The following NSF variants were observed in gnomAD, a reference collection of about 807,000 sequenced individuals.
NSF encodes the protein vesicle-fusing ATPase.
Under a neutral mutation model 50.3 loss-of-function variants are expected in NSF, and 14 were observed. That is an observed-to-expected ratio of 0.28 (90% confidence interval 0.18 to 0.44). The LOEUF (loss-of-function observed/expected upper bound fraction) is 0.44, where lower values mean the gene tolerates loss of function less well. NSF is among the 20% of genes least tolerant of loss of function. The pLI is 1.00. For synonymous variants in NSF, 109 were observed against 175.7 expected (o/e 0.62, Z 3.00); for missense variants, 218 against 504.3 (o/e 0.43, Z 5.44).
chr17:46,718,487 A>C (rs1481402129), intron 15 of NSF, among the ~76,000 whole-genome samples: 1 of 152,352 alleles, frequency 6.6e-6, no homozygotes, highest in East Asian at 1.9e-4. Flanking sequence ...TGGTGCATGT[A>C]CTCCATAAAT....
intron 1 of NSF, among the ~76,000 whole-genome samples, chr17:46,592,999 G>GC (rs963598989): frequency 8.1e-6 from 1 of 123,628 alleles, no homozygotes; most frequent in Non-Finnish European, 1.7e-5. Flanking sequence ...TTCTGCTCCT[G>GC]CCCCCCATAA....
At chr17:46,753,579 C>CAG (rs1234861815) in intron 19 of NSF, among the ~76,000 whole-genome samples, 1 of 151,976 alleles carries the variant, frequency 6.6e-6, no homozygotes, top group Non-Finnish European at 1.5e-5. Context: ...GTCAGATTGT[C>CAG]AGCTTCTTTT....
intron 15 of NSF, chr17:46,722,254 A>G (rs2058839162): frequency 1.8e-6 from 2 of 1,124,648 alleles, no homozygotes; most frequent in Middle Eastern, 2.8e-4. Context: ...CATTCTTAAG[A>G]TTAATTTTGG....
intron 16 of NSF, 40 bp from the exon 17 acceptor site, chr17:46,728,815 G>A (rs759440444): frequency 5.3e-6 from 7 of 1,321,992 alleles, no homozygotes; most frequent in Non-Finnish European, 2.1e-6. Context: ...ATATGTACAT[G>A]TGTATCAAAT....
At chr17:46,669,773 CTT>C (rs1357183437) in intron 8 of NSF, among the ~76,000 whole-genome samples, 1 of 60,844 alleles carries the variant, frequency 1.6e-5, no homozygotes, top group Non-Finnish European at 3.3e-5. Context: ...CTGCTTAAAA[CTT>C]TTCACAGCTT....
At position 46,655,888 on chromosome 17, in the gene NSF, TC is replaced by T. The variant is rs984842451; in HGVS notation, c.745+12630del. On this transcript the variant is annotated intron_variant, in intron 8 of 20. Transcript: ENST00000398238. The stretch of plus-strand genomic sequence containing the variant: ...AGTCAAAAGATCGAACCCTTTTTTT[TC>T]ATGTTATCTAGAAATGAATCTTTAA... Among the ~76,000 whole-genome samples the T allele has an allele frequency of 3.1e-5, 3 of 97,218 alleles. 1 individual carries two copies. Among genetic ancestry groups the T allele is most frequent in the African/African-American group, 1.5e-4 (3 of 20,460 alleles). The allele number at this position is 97,218 out of a possible 152,430, so 63.8% of individuals were successfully genotyped here.
Position 46,755,787 on chromosome 17 carries a change from G to A in NSF, c.2214-15G>A, listed in dbSNP as rs200627784. Reference sequence around the variant, plus strand: ...CCCTCATCTGTTTTTTTGTGTTTTGGTATTTCTTTTGCAGTAGCCCCCTTG... The same window carrying A: ...CCCTCATCTGTTTTTTTGTGTTTTGATATTTCTTTTGCAGTAGCCCCCTTG... On this transcript the variant is annotated splice_polypyrimidine_tract_variant and intron_variant, in intron 20 of 20. Coordinates refer to ENST00000398238, the MANE Select transcript of NSF (RefSeq NM_006178.4). 2.5e-6 allele frequency: 4 copies of A among 1,595,846 alleles called. No individual in the cohort carries two copies. The highest frequency in any genetic ancestry group is 2.2e-5 in the South Asian group (2 of 89,116).
chr17:46,657,401 A>G (rs2058268312), intron 8 of NSF, among the ~76,000 whole-genome samples: 1 of 152,238 alleles, frequency 6.6e-6, no homozygotes, highest in African/African-American at 2.4e-5. Flanking sequence ...AGGTTTCAAG[A>G]GACTTGGAGT....
At position 46,722,287 on chromosome 17, in the gene NSF, C is replaced by A. The variant is rs1177485275; in HGVS notation, c.1762-4262C>A. ...TGGGGGGAGTCTGTAAGATACGGTT[C>A]TTACCTTCTTACCTCCAGCCTCAGT... On this transcript the variant is annotated intron_variant, in intron 15 of 20. Transcript: ENST00000398238. 1.1e-5 allele frequency: 9 copies of A among 788,040 alleles called. 1 individual carries two copies. Among genetic ancestry groups the A allele is most frequent in the Non-Finnish European group, 2.0e-5 (9 of 459,922 alleles). 48.8% of individuals were successfully genotyped at this position (788,040 alleles called of 1,614,324 possible).
chr17:46,731,745 C>G (rs2058951045), intron 17 of NSF, among the ~76,000 whole-genome samples: 2 of 152,164 alleles, frequency 1.3e-5, no homozygotes. Flanking sequence ...GGGGTTCTCT[C>G]TGAAGGGAAT....
At chr17:46,747,864 A>T (rs2059146690) in intron 17 of NSF, among the ~76,000 whole-genome samples, 1 of 152,212 alleles carries the variant, frequency 6.6e-6, no homozygotes, top group Non-Finnish European at 1.5e-5. Flanking sequence ...TGTATTTCCT[A>T]GAACTGAATG....
intron 17 of NSF, among the ~76,000 whole-genome samples, chr17:46,732,170 A>ATACT (rs1490590293): frequency 3.3e-5 from 5 of 152,232 alleles, no homozygotes; most frequent in Non-Finnish European, 7.3e-5. Flanking sequence ...AGGAGGAACT[A>ATACT]TACTTATATA....
At chr17:46,714,666 A>C (rs1224662612) in intron 15 of NSF, among the ~76,000 whole-genome samples, 1 of 152,040 alleles carries the variant, frequency 6.6e-6, no homozygotes, top group Non-Finnish European at 1.5e-5. Flanking sequence ...AATGATGAAG[A>C]CTTTAAATGG....
chr17:46,661,405 ATTATT>A (rs2058299943), intron 8 of NSF, among the ~76,000 whole-genome samples: 1 of 97,116 alleles, frequency 1.0e-5, no homozygotes, highest in Non-Finnish European at 1.9e-5. Context: ...TATTATTATT[ATTATT>A]TTTGAGATGG....
chr17:46,743,059 T>C (rs199536), intron 17 of NSF, among the ~76,000 whole-genome samples: 102,347 of 151,900 alleles, frequency 0.67, 35,661 homozygotes, highest in South Asian at 0.82. Context: ...CTTCTGACTC[T>C]CTGTGAGTCA....
chr17:46,613,162 C>T (rs2058028384), intron 1 of NSF, among the ~76,000 whole-genome samples: 1 of 40,410 alleles, frequency 2.5e-5, no homozygotes, highest in Non-Finnish European at 7.3e-5. Context: ...CCTGTAGTCC[C>T]AGCTACTTTG....
intron 9 of NSF, among the ~76,000 whole-genome samples, chr17:46,688,304 A>G (rs1303859834): frequency 6.6e-6 from 1 of 150,842 alleles, no homozygotes; most frequent in Non-Finnish European, 1.5e-5. Flanking sequence ...TAAGTCTAGG[A>G]GTTCAAGACC....
chr17:46,657,859 C>T (rs2058273144), intron 8 of NSF, among the ~76,000 whole-genome samples: 1 of 79,972 alleles, frequency 1.3e-5, no homozygotes, highest in Admixed American at 1.5e-4. Flanking sequence ...ACCTTGTTCC[C>T]CAGTGTATAA....
At chr17:46,699,402 GACAC>G (rs4061825) in intron 12 of NSF, among the ~76,000 whole-genome samples, 58 of 148,196 alleles carry the variant, frequency 3.9e-4, no homozygotes, top group Admixed American at 1.3e-3. Context: ...ATAAACTGAG[GACAC>G]ACACACACAC....
Sources: allele counts gnomAD v4.1 joint callset (sites outside exome capture counted in the v4.1 genomes callset), GRCh38; gene constraint gnomAD v4.1.1; transcripts MANE v1.5; gene names NCBI Gene and HGNC (gene_info 2026-07-23, HGNC 2026-07-21).